Variants in NARS2 observed in about 807,000 individuals in gnomAD.
NARS2 encodes the protein asparaginyl-tRNA synthetase.
A neutral mutation model predicts 62.9 loss-of-function variants in NARS2; 60 were observed. The observed-to-expected ratio is 0.95, with a 90% CI of 0.77 to 1.18. The LOEUF (loss-of-function observed/expected upper bound fraction) is 1.18, where lower values mean the gene tolerates loss of function less well. Ranked by LOEUF, NARS2 falls within the 50% of genes most tolerant of loss-of-function variation. NARS2 has a pLI of 0.00. For synonymous variants in NARS2, 196 were observed against 200.0 expected (o/e 0.98, Z 0.17); for missense variants, 619 against 576.4 (o/e 1.07, Z -0.76).
chr11:78,454,627 T>TG (rs2135174526), intron 11 of NARS2, among the ~76,000 whole-genome samples: 1 of 151,332 alleles, frequency 6.6e-6, no homozygotes, highest in African/African-American at 2.4e-5. Flanking sequence ...CTCAGGTGTT[T>TG]TTTTTTTTTT....
At chr11:78,501,007 G>C (rs1246030884) in intron 6 of NARS2, among the ~76,000 whole-genome samples, 3 of 152,156 alleles carry the variant, frequency 2.0e-5, no homozygotes, top group Admixed American at 2.0e-4. Flanking sequence ...CAGGAGGATT[G>C]ATTGAGCCTG....
chr11:78,538,570 A>G (rs771728459), intron 5 of NARS2, among the ~76,000 whole-genome samples: 1 of 152,192 alleles, frequency 6.6e-6, no homozygotes, highest in African/African-American at 2.4e-5. Context: ...GCTATACTAT[A>G]AACTGGGAAA....
At chr11:78,452,913 C>T (rs771472141) in intron 11 of NARS2, among the ~76,000 whole-genome samples, 6 of 152,226 alleles carry the variant, frequency 3.9e-5, no homozygotes, top group Non-Finnish European at 5.9e-5. Context: ...AAGGTAGGAC[C>T]AGAAGATACA....
intron 4 of NARS2, among the ~76,000 whole-genome samples, chr11:78,562,202 T>C (rs1389737140): frequency 1.3e-5 from 2 of 151,976 alleles, no homozygotes; most frequent in Non-Finnish European, 2.9e-5. Context: ...CCAGGCAGGA[T>C]TGCTTGGGCC....
chr11:78,489,175 C>A (rs573222859), intron 7 of NARS2, among the ~76,000 whole-genome samples: 1 of 152,002 alleles, frequency 6.6e-6, no homozygotes, highest in African/African-American at 2.4e-5. Flanking sequence ...ATTAGGAGAA[C>A]ACAGAAACCA....
chr11:78,478,890 T>G (rs1052727052), intron 7 of NARS2, among the ~76,000 whole-genome samples: 4 of 152,276 alleles, frequency 2.6e-5, no homozygotes, highest in Admixed American at 1.3e-4. Context: ...AAAAAGGAAA[T>G]GTTTTAATCT....
At chr11:78,567,374 T>C (rs1409897840) in intron 3 of NARS2, among the ~76,000 whole-genome samples, 1 of 152,194 alleles carries the variant, frequency 6.6e-6, no homozygotes, top group African/African-American at 2.4e-5. Flanking sequence ...CAAGATTCCA[T>C]GACACAATGA....
At chr11:78,473,745 A>C (rs1858972282) in intron 9 of NARS2, among the ~76,000 whole-genome samples, 1 of 152,218 alleles carries the variant, frequency 6.6e-6, no homozygotes, top group Non-Finnish European at 1.5e-5. Flanking sequence ...ACTTCTTTGT[A>C]AATTCTCTAT....
rs1858172998 is a variant in NARS2, at chr11:78,456,634, T to C, written c.1164+9242A>G. ...TACTGAATGCCCACTAATGCTGACCTTTCTCTGGTTTGCTAAGTAATACTG... is the reference window on the plus strand; with the variant it reads ...TACTGAATGCCCACTAATGCTGACCCTTCTCTGGTTTGCTAAGTAATACTG... On this transcript the variant is annotated intron_variant, in intron 11 of 13. Coordinates refer to ENST00000281038, the MANE Select transcript of NARS2 (RefSeq NM_024678.6). 1.3e-5 allele frequency among the ~76,000 whole-genome samples: 2 copies of C among 152,238 alleles called. 1 individual carries two copies. The highest frequency in any genetic ancestry group is 4.1e-4 in the South Asian group (2 of 4,830).
At chr11:78,484,034 A>C (rs570180022) in intron 7 of NARS2, among the ~76,000 whole-genome samples, 1 of 152,336 alleles carries the variant, frequency 6.6e-6, no homozygotes, top group African/African-American at 2.4e-5. Flanking sequence ...ACTGTTACCA[A>C]AACAGATATG....
At chr11:78,515,289 C>T (rs1409364656) in intron 6 of NARS2, among the ~76,000 whole-genome samples, 1 of 152,096 alleles carries the variant, frequency 6.6e-6, no homozygotes, top group Non-Finnish European at 1.5e-5. Flanking sequence ...TTCTCTAAAG[C>T]ATTGGTTCTC....
chr11:78,455,851 G>C (rs181334797), intron 11 of NARS2, among the ~76,000 whole-genome samples: 36 of 151,832 alleles, frequency 2.4e-4, no homozygotes, highest in African/African-American at 8.7e-4. Flanking sequence ...TCATCTGTAA[G>C]AAAGGGATAA....
chr11:78,563,374 C>T (rs1192020364), intron 4 of NARS2, among the ~76,000 whole-genome samples: 4 of 151,844 alleles, frequency 2.6e-5, no homozygotes, highest in African/African-American at 7.2e-5. Flanking sequence ...CGCAACACCA[C>T]GCCCAGCTAA....
Position 78,563,215 on chromosome 11 carries a change from A to ATTTTT in NARS2, c.513+2912_513+2916dup, listed in dbSNP as rs71046983. Among the ~76,000 whole-genome samples, 91 of 115,714 alleles carry ATTTTT rather than the reference A, an allele frequency of 7.9e-4. 2 individuals are homozygous for ATTTTT. The highest frequency in any genetic ancestry group is 2.8e-3 in the African/African-American group (82 of 29,572). 75.9% of individuals were successfully genotyped at this position (115,714 alleles called of 152,430 possible). On this transcript the variant is annotated intron_variant, in intron 4 of 13. Transcript: ENST00000281038. ...ATTCAAGTTATTTCCAACCACTTGA[A>ATTTTT]TTTTTTTTTTTTTTTTTTTTTGAGA...
At chr11:78,443,183 G>C (rs373760035) in intron 12 of NARS2, among the ~76,000 whole-genome samples, 2 of 151,834 alleles carry the variant, frequency 1.3e-5, no homozygotes, top group Non-Finnish European at 2.9e-5. Flanking sequence ...AAAATTAGCC[G>C]GGCGTGGTGG....
intron 7 of NARS2, among the ~76,000 whole-genome samples, chr11:78,484,911 T>C (rs1859506756): frequency 6.6e-6 from 1 of 152,252 alleles, no homozygotes; most frequent in Non-Finnish European, 1.5e-5. Flanking sequence ...TAAATCATTC[T>C]ACTTTATAAA....
rs147815304 is a variant in NARS2 at position 78,469,226 on chromosome 11, T to C, written c.1026+21A>G. 132 of 1,532,830 alleles carry C rather than the reference T, an allele frequency of 8.6e-5. No homozygotes were observed. The African/African-American group carries it at 1.1e-3, about 13-fold the overall frequency. 95.0% of individuals were successfully genotyped at this position (1,532,830 alleles called of 1,614,324 possible). ...GGAAGCATTTTCACACACACATATA[T>C]ACATACACACAAAATACTACCTCTG... On this transcript the variant is annotated intron_variant, in intron 10 of 13. Transcript: ENST00000281038.
At chr11:78,557,495 C>A (rs1158308580) in intron 5 of NARS2, among the ~76,000 whole-genome samples, 1 of 152,132 alleles carries the variant, frequency 6.6e-6, no homozygotes, top group Non-Finnish European at 1.5e-5. Flanking sequence ...CTGAAAGCAA[C>A]AAAGACAGTA....
At chr11:78,567,522 G>C (rs974181806) in intron 3 of NARS2, among the ~76,000 whole-genome samples, 1 of 152,024 alleles carries the variant, frequency 6.6e-6, no homozygotes, top group South Asian at 2.1e-4. Context: ...TGAAACACAC[G>C]GCAAATTTTT....
Sources: gnomAD v4.1 joint callset for allele counts (sites outside exome capture counted in the v4.1 genomes callset) on GRCh38, gnomAD v4.1.1 for gene constraint, MANE v1.5 for transcripts, NCBI Gene and HGNC (gene_info 2026-07-23, HGNC 2026-07-21) for gene names.